The following FSTL4 variants were observed in gnomAD, a reference collection of about 807,000 sequenced individuals.
FSTL4 encodes the protein follistatin like 4, also known as follistatin-related protein 4.
A neutral mutation model predicts 78.2 loss-of-function variants in FSTL4; 28 were observed. That is an observed-to-expected ratio of 0.36 (90% CI 0.27 to 0.49). The LOEUF (loss-of-function observed/expected upper bound fraction) is 0.49, where lower values mean the gene tolerates loss of function less well. FSTL4 is among the 20% of genes least tolerant of loss of function. The probability of loss-of-function intolerance (pLI) is 0.98; values close to 1 mark genes in which losing one functional copy is unlikely to be tolerated. For missense variants in FSTL4, 922 were observed against 1,084.9 expected, an observed-to-expected ratio of 0.85 and a Z score of 2.11; for synonymous variants, 422 against 440.5, an observed-to-expected ratio of 0.96 and a Z score of 0.53.
the FSTL4 span, among the ~76,000 whole-genome samples, chr5:133,752,609 CAAATA>C: frequency 7.4e-4 from 113 of 151,678 alleles, no homozygotes; most frequent in African/African-American, 2.3e-3. Flanking sequence ...GGCTCTGTCT[CAAATA>C]AAATAAAATA....
At chr5:133,382,319 C>T (rs1755593022) in intron 4 of FSTL4, among the ~76,000 whole-genome samples, 1 of 152,222 alleles carries the variant, frequency 6.6e-6, no homozygotes, top group Admixed American at 6.5e-5. Context: ...GAAACTTTTA[C>T]TGGGGTGCCG....
chr5:133,356,239 C>T (rs150166084), intron 4 of FSTL4, among the ~76,000 whole-genome samples: 210 of 152,316 alleles, frequency 1.4e-3, no homozygotes, highest in Non-Finnish European at 2.4e-3. Flanking sequence ...TGTGCTAAGC[C>T]CTGGGGACAC....
At chr5:133,706,460 T>C in the FSTL4 span, among the ~76,000 whole-genome samples, 2 of 152,140 alleles carry the variant, frequency 1.3e-5, no homozygotes, top group Admixed American at 1.3e-4. Context: ...GAATTACCAA[T>C]TTTTTCAAGG....
chr5:133,443,087 C>T (rs1170986983), intron 3 of FSTL4, among the ~76,000 whole-genome samples: 1 of 152,230 alleles, frequency 6.6e-6, no homozygotes, highest in Non-Finnish European at 1.5e-5. Context: ...TTTATTTCTG[C>T]GCATCCTCAA....
At chr5:133,329,456 T>C (rs1037259571) in intron 4 of FSTL4, among the ~76,000 whole-genome samples, 1 of 152,136 alleles carries the variant, frequency 6.6e-6, no homozygotes, top group African/African-American at 2.4e-5. Flanking sequence ...CAGGTTCTGT[T>C]TGCAGCTCTC....
At chr5:133,273,036 T>C (rs987445495) in intron 6 of FSTL4, among the ~76,000 whole-genome samples, 2 of 152,252 alleles carry the variant, frequency 1.3e-5, no homozygotes, top group Admixed American at 6.5e-5. Context: ...CAGAGTTGCA[T>C]GTGCTGGGGG....
chr5:133,583,159 A>G (rs1000584014), intron 2 of FSTL4: 15 of 424,152 alleles, frequency 3.5e-5, no homozygotes, highest in Non-Finnish European at 7.1e-5. Flanking sequence ...GAGTCAGCAA[A>G]CACCAGCACA....
the FSTL4 span, among the ~76,000 whole-genome samples, chr5:133,762,459 C>A: frequency 1.2e-4 from 18 of 152,312 alleles, no homozygotes; most frequent in East Asian, 2.9e-3. Context: ...AAATAATCAA[C>A]TTTTAGGACT....
rs1206397863 is a variant in FSTL4 at position 133,224,207 on chromosome 5, A to T, written c.1322T>A (p.Ile441Asn). The change falls in exon 11 of 16, where the codon ATC (isoleucine) becomes AAC (asparagine). Residue 441 changes from isoleucine to asparagine, a missense_variant. Transcript: ENST00000265342. ...CTTGGTACCTTCCTCTCGCCACAGGATGTTTGCAACTGCAGCAGCAGAGAA... is the reference window on the plus strand; with the variant it reads ...CTTGGTACCTTCCTCTCGCCACAGGTTGTTTGCAACTGCAGCAGCAGAGAA... ...EDSARKTLAN[I>N]LWREEGLSVG... 1 of 1,612,792 alleles carries T rather than the reference A, an allele frequency of 6.2e-7. No homozygotes were observed. The highest frequency in any genetic ancestry group is 8.5e-7 in the Non-Finnish European group (1 of 1,178,984).
At chr5:133,635,562 G>A in the FSTL4 span, among the ~76,000 whole-genome samples, 21 of 152,236 alleles carry the variant, frequency 1.4e-4, no homozygotes, top group Middle Eastern at 3.4e-3. Flanking sequence ...TCAGGAGTTC[G>A]AGACAAGCCT....
intron 2 of FSTL4, among the ~76,000 whole-genome samples, chr5:133,569,004 C>A (rs1420078242): frequency 6.6e-6 from 1 of 151,920 alleles, no homozygotes; most frequent in South Asian, 2.1e-4. Context: ...TTGAATATTT[C>A]TTTTTTGTAT....
intron 1 of FSTL4, among the ~76,000 whole-genome samples, chr5:133,609,777 C>G (rs1287425513): frequency 2.6e-5 from 4 of 152,232 alleles, no homozygotes; most frequent in Non-Finnish European, 5.9e-5. Context: ...CATGTGACTT[C>G]CAATAACCTT....
chr5:133,729,941 C>T, the FSTL4 span, among the ~76,000 whole-genome samples: 1 of 152,180 alleles, frequency 6.6e-6, no homozygotes, highest in African/African-American at 2.4e-5. Context: ...ACACTCTTGA[C>T]TCTCATTCTG....
At chr5:133,403,093 G>A (rs770898089) in intron 3 of FSTL4, among the ~76,000 whole-genome samples, 7 of 152,218 alleles carry the variant, frequency 4.6e-5, no homozygotes, top group Non-Finnish European at 5.9e-5. Context: ...AAGTGCTGGC[G>A]CCTACTAGAA....
At chr5:133,640,606 C>G in the FSTL4 span, among the ~76,000 whole-genome samples, 1 of 152,202 alleles carries the variant, frequency 6.6e-6, no homozygotes, top group Admixed American at 6.5e-5. Flanking sequence ...TGATTCATTT[C>G]ACAGCTGTAG....
intron 3 of FSTL4, among the ~76,000 whole-genome samples, chr5:133,407,738 C>T (rs530279345): frequency 6.6e-6 from 1 of 152,312 alleles, no homozygotes; most frequent in Admixed American, 6.5e-5. Context: ...GTCTAATGTC[C>T]CTGGGCACGG....
At chr5:133,226,195 G>A (rs975998817) in intron 8 of FSTL4, among the ~76,000 whole-genome samples, 5 of 152,184 alleles carry the variant, frequency 3.3e-5, no homozygotes, top group Non-Finnish European at 7.3e-5. Context: ...GAAAGCCATT[G>A]GATAGGGGTT....
intron 3 of FSTL4, among the ~76,000 whole-genome samples, chr5:133,546,267 G>A (rs1293980970): frequency 6.6e-6 from 1 of 152,144 alleles, no homozygotes; most frequent in Non-Finnish European, 1.5e-5. Flanking sequence ...AACATTTTGG[G>A]AGGCCAAGGT....
At chr5:133,607,897 A>T (rs1235643928) in intron 1 of FSTL4, among the ~76,000 whole-genome samples, 1 of 143,584 alleles carries the variant, frequency 7.0e-6, no homozygotes, top group Non-Finnish European at 1.5e-5. Flanking sequence ...AAGAAAAAAT[A>T]CGGTAGAAGG....
Sources: allele counts gnomAD v4.1 joint callset (sites outside exome capture counted in the v4.1 genomes callset), GRCh38; gene constraint gnomAD v4.1.1; transcripts MANE v1.5; gene names NCBI Gene and HGNC (gene_info 2026-07-23, HGNC 2026-07-21).